PTPRQ: variants seen among roughly 807,000 people sequenced by gnomAD.
PTPRQ encodes the protein protein tyrosine phosphatase receptor type Q, also known as phosphatidylinositol phosphatase PTPRQ.
A neutral mutation model predicts 246.0 loss-of-function variants in PTPRQ; 199 were observed. The ratio of observed to expected loss-of-function variants is 0.81; its 90% CI spans 0.72 to 0.91. The LOEUF is 0.91. Ranked by LOEUF, PTPRQ falls within the 40% of genes least tolerant of loss-of-function variation. The pLI is 0.00. For synonymous variants in PTPRQ, 869 were observed against 853.2 expected (o/e 1.02, Z -0.32); for missense variants, 2,624 against 2,528.4 (o/e 1.04, Z -0.81).
chr12:80,652,239 C>T (rs564808961), intron 37 of PTPRQ, among the ~76,000 whole-genome samples: 14 of 152,122 alleles, frequency 9.2e-5, no homozygotes, highest in African/African-American at 2.9e-4. Flanking sequence ...CTTAATTGCA[C>T]CTTTGCATTC....
chr12:80,606,473 A>C (rs1898325906), intron 27 of PTPRQ, among the ~76,000 whole-genome samples: 1 of 150,956 alleles, frequency 6.6e-6, no homozygotes, highest in Non-Finnish European at 1.5e-5. Context: ...TAGGATGCTC[A>C]ATGATGTCAA....
At chr12:80,480,999 A>ATTGATT (rs1286338160) in intron 8 of PTPRQ, among the ~76,000 whole-genome samples, 1 of 152,172 alleles carries the variant, frequency 6.6e-6, no homozygotes, top group Non-Finnish European at 1.5e-5. Flanking sequence ...ATAGAAAAAG[A>ATTGATT]GGGAATCCTC....
chr12:80,539,475 C>A (rs991789275), intron 19 of PTPRQ, among the ~76,000 whole-genome samples: 2 of 152,100 alleles, frequency 1.3e-5, no homozygotes, highest in African/African-American at 4.8e-5. Flanking sequence ...TGATGCTGAT[C>A]AGCACAGTTG....
chr12:80,455,921 A>C (rs1488387629), intron 3 of PTPRQ, among the ~76,000 whole-genome samples: 2 of 152,134 alleles, frequency 1.3e-5, no homozygotes, highest in African/African-American at 4.8e-5. Context: ...GTTAATATGT[A>C]AAATTTAACA....
In PTPRQ at chr12:80,496,342, A is replaced by G. The variant is rs1421873821; in HGVS notation, c.2083A>G (p.Ile695Val). ...KWSPPEKPNGIIIAYEVLYKN... is the reference protein window; with the variant it reads ...KWSPPEKPNGVIIAYEVLYKN... ...GTCACCACCCGAAAAGCCCAATGGG[A>G]TCATTATTGCTTATGAAGTGCTATA... Residue 695 changes from isoleucine to valine, a missense_variant, in exon 14 of 45, where the codon ATC becomes GTC. Transcript: ENST00000644991. 6.4e-7 allele frequency: 1 copy of G among 1,550,882 alleles called. No homozygotes were observed. The highest frequency in any genetic ancestry group is 8.7e-7 in the Non-Finnish European group (1 of 1,146,504).
chr12:80,612,682 G>T (rs922338704), intron 28 of PTPRQ, among the ~76,000 whole-genome samples: 3 of 150,288 alleles, frequency 2.0e-5, no homozygotes, highest in East Asian at 3.9e-4. Flanking sequence ...ACACTCTTGG[G>T]CACTGATCAC....
chr12:80,594,129 A>G (rs1897892538), intron 26 of PTPRQ, among the ~76,000 whole-genome samples: 1 of 152,234 alleles, frequency 6.6e-6, no homozygotes, highest in African/African-American at 2.4e-5. Context: ...GTACACTTTA[A>G]CATTATTTAA....
chr12:80,527,452 A>G (rs897181890), intron 17 of PTPRQ, among the ~76,000 whole-genome samples: 1 of 152,082 alleles, frequency 6.6e-6, no homozygotes, highest in Non-Finnish European at 1.5e-5. Flanking sequence ...CCCTTTGTAC[A>G]AAATTGATAA....
At chr12:80,587,562 A>G (rs957116031) in intron 25 of PTPRQ, among the ~76,000 whole-genome samples, 13 of 152,226 alleles carry the variant, frequency 8.5e-5, no homozygotes, top group Non-Finnish European at 1.3e-4. Context: ...GGAAGCAAAT[A>G]AATGACTCCA....
chr12:80,561,966 G>T (rs989138261), intron 25 of PTPRQ, among the ~76,000 whole-genome samples: 1 of 152,008 alleles, frequency 6.6e-6, no homozygotes, highest in Admixed American at 6.6e-5. Context: ...ATTTTTCTGA[G>T]AATTTTTATC....
chr12:80,522,510 A>G (rs1895532493), intron 17 of PTPRQ, among the ~76,000 whole-genome samples: 1 of 152,022 alleles, frequency 6.6e-6, no homozygotes, highest in African/African-American at 2.4e-5. Context: ...TGTCATAGAT[A>G]GCTCTTATTA....
rs1468763492 is a variant in PTPRQ, at chr12:80,679,644, G to C, written c.*621G>C. ...CTTAGGGCTATTTAATTTGCATTGT[G>C]ATCTTCAGTTTGAGAACCTTAAAAG... On this transcript the variant is annotated 3_prime_UTR_variant, in exon 45 of 45. Coordinates refer to ENST00000644991, the MANE Select transcript of PTPRQ (RefSeq NM_001145026.2). 1 of 151,964 alleles carries C rather than the reference G, an allele frequency of 6.6e-6. No homozygotes were observed. The highest frequency in any genetic ancestry group is 2.4e-5 in the African/African-American group (1 of 41,380). The allele number at this position is 151,964 out of a possible 1,614,324, so 9.4% of individuals were successfully genotyped here.
At chr12:80,634,417 G>A (rs897088256) in intron 34 of PTPRQ, among the ~76,000 whole-genome samples, 29 of 152,022 alleles carry the variant, frequency 1.9e-4, no homozygotes, top group African/African-American at 6.5e-4. Context: ...TTTTCTGATT[G>A]TAAAGATAAT....
intron 33 of PTPRQ, among the ~76,000 whole-genome samples, chr12:80,630,847 G>T (rs867129797): frequency 6.6e-6 from 1 of 152,116 alleles, no homozygotes; most frequent in African/African-American, 2.4e-5. Context: ...CTACCGAGTA[G>T]CTGGGATTAC....
chr12:80,630,345 A>T (rs904488280), intron 33 of PTPRQ, among the ~76,000 whole-genome samples: 2 of 151,580 alleles, frequency 1.3e-5, no homozygotes, highest in Admixed American at 1.3e-4. Context: ...ATGTCCTTTA[A>T]TTTTTTTTCT....
At chr12:80,467,702 T>C (rs4397915) in intron 6 of PTPRQ, among the ~76,000 whole-genome samples, 28,118 of 151,400 alleles carry the variant, frequency 0.19, 2,780 homozygotes, top group Non-Finnish European at 0.22. Context: ...TTCATGTCCT[T>C]TGTAGGGACA....
chr12:80,592,679 GA>G (rs1194348684), intron 26 of PTPRQ, among the ~76,000 whole-genome samples: 1 of 152,008 alleles, frequency 6.6e-6, no homozygotes, highest in Non-Finnish European at 1.5e-5. Context: ...TTTGGATGAA[GA>G]ATATTAATAA....
chr12:80,674,823 T>A (rs757951258), intron 43 of PTPRQ, among the ~76,000 whole-genome samples: 27 of 152,170 alleles, frequency 1.8e-4, no homozygotes, highest in Non-Finnish European at 3.5e-4. Context: ...TTATGCTTTT[T>A]TAAAAAACTG....
chr12:80,664,655 A>G (rs1306651050), intron 39 of PTPRQ, among the ~76,000 whole-genome samples: 1 of 152,008 alleles, frequency 6.6e-6, no homozygotes, highest in East Asian at 1.9e-4. Flanking sequence ...GTCAACACTT[A>G]CTATCTTCAA....
Sources: allele counts gnomAD v4.1 joint callset (sites outside exome capture counted in the v4.1 genomes callset), GRCh38; gene constraint gnomAD v4.1.1; transcripts MANE v1.5; gene names NCBI Gene and HGNC (gene_info 2026-07-23, HGNC 2026-07-21).